The following SEMA3A variants were observed in gnomAD, a reference collection of about 807,000 sequenced individuals.
SEMA3A encodes the protein semaphorin 3A, also known as semaphorin-3A.
Under a neutral mutation model 97.9 loss-of-function variants are expected in SEMA3A, and 29 were observed. The observed-to-expected ratio is 0.30, with a 90% CI of 0.22 to 0.40. SEMA3A has a LOEUF of 0.40. Among genes scored for constraint, SEMA3A ranks in the 10% least tolerant of loss-of-function variants. SEMA3A has a pLI of 1.00. For synonymous variants in SEMA3A, 321 were observed against 323.7 expected (o/e 0.99, Z 0.09); for missense variants, 763 against 951.3 (o/e 0.80, Z 2.60).
rs564807947 is a variant in SEMA3A, at chr7:83,957,751, C to G, written c.*3620G>C. The G allele has an allele frequency of 6.6e-6, 1 of 152,060 alleles. No homozygotes were observed. The highest frequency in any genetic ancestry group is 1.5e-5 in the Non-Finnish European group (1 of 67,948). 9.4% of individuals were successfully genotyped at this position (152,060 alleles called of 1,614,324 possible). On this transcript the variant is annotated 3_prime_UTR_variant, in exon 17 of 17. Transcript: ENST00000265362. Reference sequence around the variant, plus strand: ...AATAATGTTTTCTTCTTTATGGAAACATGTATTTGCAAACATTAACATTGA... The same window carrying G: ...AATAATGTTTTCTTCTTTATGGAAAGATGTATTTGCAAACATTAACATTGA...
At chr7:84,359,685 A>G (rs925838162) in intron 2 of SEMA3A, among the ~76,000 whole-genome samples, 2 of 151,968 alleles carry the variant, frequency 1.3e-5, no homozygotes, top group African/African-American at 4.8e-5. Flanking sequence ...CTCTTTTTCT[A>G]TTGATTGGAA....
chr7:84,312,189 T>G (rs1801341136), intron 2 of SEMA3A, among the ~76,000 whole-genome samples: 1 of 151,954 alleles, frequency 6.6e-6, no homozygotes, highest in Admixed American at 6.6e-5. Context: ...ACTCAAAATT[T>G]TATCATTTTT....
chr7:84,007,218 C>G, intron 10 of SEMA3A, 135 bp downstream of exon 10: 1 of 644,916 alleles, frequency 1.6e-6, no homozygotes, highest in Non-Finnish European at 2.3e-6. Context: ...AAATCTTTGT[C>G]TTGCTTTAAT....
intron 1 of SEMA3A, among the ~76,000 whole-genome samples, chr7:84,401,928 G>C (rs1405454658): frequency 6.6e-6 from 1 of 152,136 alleles, no homozygotes; most frequent in African/African-American, 2.4e-5. Flanking sequence ...AATGCTTCAG[G>C]ATGCTGTTCT....
chr7:84,302,590 T>C (rs10281318), intron 3 of SEMA3A, among the ~76,000 whole-genome samples: 7 of 152,196 alleles, frequency 4.6e-5, no homozygotes, highest in African/African-American at 1.2e-4. Flanking sequence ...TCAATCTTTC[T>C]TGCTCCTTTA....
chr7:84,467,036 T>A (rs1436979337), intron 1 of SEMA3A, among the ~76,000 whole-genome samples: 1 of 152,192 alleles, frequency 6.6e-6, no homozygotes, highest in African/African-American at 2.4e-5. Flanking sequence ...ATGTCAGTTT[T>A]AAATTTAACT....
intron 4 of SEMA3A, among the ~76,000 whole-genome samples, chr7:84,070,753 A>T (rs888516417): frequency 6.6e-6 from 1 of 151,974 alleles, no homozygotes; most frequent in Non-Finnish European, 1.5e-5. Flanking sequence ...TCCTTTTCTC[A>T]TCTCTGCCTG....
At chr7:84,293,969 A>G (rs984762) in intron 3 of SEMA3A, among the ~76,000 whole-genome samples, 5,172 of 152,166 alleles carry the variant, frequency 0.034, 103 homozygotes, top group South Asian at 0.046. Context: ...TTTAGCAAAA[A>G]TGGCTTTTTC....
intron 15 of SEMA3A, among the ~76,000 whole-genome samples, chr7:83,968,462 T>C (rs1350147851): frequency 6.6e-6 from 1 of 152,232 alleles, no homozygotes; most frequent in African/African-American, 2.4e-5. Flanking sequence ...CTGGTTTTAC[T>C]TTCTAGAAAT....
chr7:84,110,471 T>A lies in SEMA3A; in HGVS notation c.452A>T (p.Glu151Val). ...CTYIEIGHHPEDNIFKLENSH... is the reference protein window; with the variant it reads ...CTYIEIGHHPVDNIFKLENSH... Reference sequence around the variant, plus strand: ...TAATTTTTAAAAAGCCAGCGTTACCTCAGGATGATGTCCAATTTCAATGTA... The same window carrying A: ...TAATTTTTAAAAAGCCAGCGTTACCACAGGATGATGTCCAATTTCAATGTA... The change falls in exon 4 of 17, where the codon GAG (glutamate) becomes GTG (valine). Residue 151 changes from glutamate to valine, a missense_variant and splice_region_variant. Glu to Val is a moderately radical substitution (Grantham distance 121). Around this residue, in one of 2 missense-constraint regions of SEMA3A, gnomAD observed 678 missense variants for 881.3 expected, o/e 0.77. Transcript: ENST00000265362. 6.2e-7 allele frequency: 1 copy of A among 1,613,814 alleles called. No homozygotes were observed. The highest frequency in any genetic ancestry group is 8.5e-7 in the Non-Finnish European group (1 of 1,179,816).
Position 84,469,728 on chromosome 7 carries a change from C to A in SEMA3A, c.-246+22732G>T, listed in dbSNP as rs189578490. ...TATTAAGAGTGACATGGATCAATTT[C>A]TATTATTTCTCACATACAATTTACT... On this transcript the variant is annotated intron_variant, in intron 1 of 3. Coordinates refer to the SEMA3A transcript ENST00000424555. Among the ~76,000 whole-genome samples the A allele has an allele frequency of 8.4e-4, 128 of 152,156 alleles. 1 individual carries two copies. The highest frequency in any genetic ancestry group is 3.4e-3 in the Middle Eastern group (1 of 290).
chr7:84,053,841 T>C (rs200069414), intron 5 of SEMA3A, among the ~76,000 whole-genome samples: 23,644 of 66,808 alleles, frequency 0.35, 6,238 homozygotes, highest in East Asian at 0.64. Flanking sequence ...GATTTTGCAG[T>C]GGCTGGTACC....
intron 1 of SEMA3A, among the ~76,000 whole-genome samples, chr7:84,173,604 A>G: frequency 6.6e-6 from 1 of 151,486 alleles, no homozygotes; most frequent in East Asian, 1.9e-4. Context: ...TTGTTGTTTT[A>G]CTTTTTAGAA....
chr7:84,175,283 A>G (rs1395627370), intron 1 of SEMA3A, among the ~76,000 whole-genome samples: 1 of 152,240 alleles, frequency 6.6e-6, no homozygotes, highest in Non-Finnish European at 1.5e-5. Flanking sequence ...CTGGCCAATA[A>G]TGAATATCCA....
At position 84,194,717 on chromosome 7, in the gene SEMA3A, A is replaced by T; in HGVS notation, c.-131T>A. On this transcript the variant is annotated 5_prime_UTR_variant, in exon 1 of 17. In the 5' UTR this introduces an upstream ATG that the reference lacks. Coordinates refer to ENST00000265362, the MANE Select transcript of SEMA3A (RefSeq NM_006080.3). ...TCAGTTTCATTCATAAATGCAGACA[A>T]TCAAGACCTCATGGCAACACTAACA... is the stretch of plus-strand genomic sequence containing the variant. 1.6e-6 allele frequency: 1 copy of T among 613,328 alleles called. No homozygotes were observed. Among genetic ancestry groups the T allele is most frequent in the Non-Finnish European group, 2.9e-6 (1 of 340,790 alleles). The allele number at this position is 613,328 out of a possible 1,614,324, so 38.0% of individuals were successfully genotyped here.
intron 4 of SEMA3A, among the ~76,000 whole-genome samples, chr7:84,062,124 T>G (rs1189454466): frequency 6.6e-6 from 1 of 152,224 alleles, no homozygotes; most frequent in African/African-American, 2.4e-5. Flanking sequence ...AAAAATGCTA[T>G]TTATATTCTA....
chr7:84,405,277 A>G (rs1307933794), intron 1 of SEMA3A, among the ~76,000 whole-genome samples: 1 of 152,204 alleles, frequency 6.6e-6, no homozygotes, highest in East Asian at 1.9e-4. Context: ...TTAAACCAAC[A>G]AAGATCAAAA....
At chr7:84,205,032 C>T (rs950840968) in intron 3 of SEMA3A, among the ~76,000 whole-genome samples, 12 of 152,172 alleles carry the variant, frequency 7.9e-5, no homozygotes. Flanking sequence ...AAATCCTCAA[C>T]ATGTGAGTGA....
chr7:84,401,740 C>G (rs1442686362), intron 1 of SEMA3A, among the ~76,000 whole-genome samples: 2 of 152,008 alleles, frequency 1.3e-5, no homozygotes, highest in Non-Finnish European at 2.9e-5. Context: ...AGAAATGCAC[C>G]AAGAACATAT....
Sources: allele counts gnomAD v4.1 joint callset (sites outside exome capture counted in the v4.1 genomes callset), GRCh38; gene constraint gnomAD v4.1.1; regional missense constraint gnomAD v4.1.1; transcripts MANE v1.5; gene names NCBI Gene and HGNC (gene_info 2026-07-23, HGNC 2026-07-21).